Variants in MED8 observed in about 807,000 individuals in gnomAD.
The protein encoded by MED8 is mediator of RNA polymerase II transcription subunit 8.
A neutral mutation model predicts 34.8 loss-of-function variants in MED8; 22 were observed. That is an observed-to-expected ratio of 0.63 (90% CI 0.45 to 0.90). MED8 has a LOEUF of 0.90. Ranked by LOEUF, MED8 falls within the 40% of genes least tolerant of loss-of-function variation. The probability of loss-of-function intolerance (pLI) is 0.00; values close to 1 mark genes in which losing one functional copy is unlikely to be tolerated. For synonymous variants in MED8, 105 were observed against 120.2 expected, an observed-to-expected ratio of 0.87 and a Z score of 0.83; for missense variants, 260 against 326.3, an observed-to-expected ratio of 0.80 and a Z score of 1.57.
rs1449975526 is a variant in MED8, at chr1:43,386,778, C to G, written c.411+80G>C. The G allele has an allele frequency of 1.2e-6, 2 of 1,603,412 alleles. No homozygotes were observed. ...AACTTAGGCGCAACCAACTATGTAT[C>G]CCTACTAGACAGGAATGGTAATGCC... On this transcript the variant is annotated intron_variant, in intron 4 of 6. Coordinates refer to ENST00000372457, the MANE Select transcript of MED8 (RefSeq NM_201542.5). The surrounding 1 kb of genome is among the most constrained non-coding windows in gnomAD (Gnocchi z 4.9).
chr1:43,387,956 C>T (rs1043114431), intron 2 of MED8, among the ~76,000 whole-genome samples: 3 of 151,866 alleles, frequency 2.0e-5, no homozygotes, highest in African/African-American at 7.3e-5. Flanking sequence ...GTAAAAGCCT[C>T]CTTTCCAGCC....
At chr1:43,388,198 A>T in intron 2 of MED8, 112 bp downstream of exon 2, 12 of 1,070,898 alleles carry the variant, frequency 1.1e-5, no homozygotes, top group Non-Finnish European at 1.6e-5. Flanking sequence ...TTTCCAAATC[A>T]AAAGATGTTT....
At chr1:43,389,117 C>T (rs548437991) in intron 1 of MED8, 3 of 152,764 alleles carry the variant, frequency 2.0e-5, no homozygotes, top group Admixed American at 1.3e-4. Context: ...CTTCTAAGCA[C>T]TGGACAAACA....
Position 43,384,751 on chromosome 1 carries a change from C to T in MED8, c.*291G>A. On this transcript the variant is annotated 3_prime_UTR_variant, in exon 7 of 7. Coordinates refer to ENST00000372457, the MANE Select transcript of MED8 (RefSeq NM_201542.5). ...TGTAGAAACTATCATTTATTGAATA[C>T]CCATTATTTCATATACTGTACTAAG... 1 of 1,428,810 alleles carries T rather than the reference C, an allele frequency of 7.0e-7. No homozygotes were observed. The highest frequency in any genetic ancestry group is 1.6e-5 in the South Asian group (1 of 64,442). 88.5% of individuals were successfully genotyped at this position (1,428,810 alleles called of 1,614,324 possible). A position where few individuals can be genotyped will look rare whatever the true frequency, so the allele number is the denominator to read the frequency against.
intron 1 of MED8, 166 bp from the exon 2 acceptor site, chr1:43,388,594 C>T (rs555620523): frequency 8.4e-7 from 1 of 1,188,048 alleles, no homozygotes; most frequent in East Asian, 2.6e-5. Context: ...GGGTTATAGA[C>T]AGCATCAACC....
At chr1:43,387,029 C>T (rs1647759133) in intron 3 of MED8, 31 bp from the exon 4 acceptor site, 2 of 1,610,162 alleles carry the variant, frequency 1.2e-6, no homozygotes, top group East Asian at 2.2e-5. Flanking sequence ...TGATCCTACT[C>T]TGTACTCCAA....
chr1:43,386,749 A>C lies in MED8; in HGVS notation c.412-79T>G. On this transcript the variant is annotated intron_variant, in intron 4 of 6. Transcript: ENST00000372457. The surrounding 1 kb of genome is among the most constrained non-coding windows in gnomAD (Gnocchi z 4.9). ...AAATTTATTCCTTGGGTTCTGCCAG[A>C]AGCAACTTAGGCGCAACCAACTATG... 1 of 1,593,578 alleles carries C rather than the reference A, an allele frequency of 6.3e-7. No homozygotes were observed. Among genetic ancestry groups the C allele is most frequent in the Non-Finnish European group, 8.6e-7 (1 of 1,168,718 alleles).
chr1:43,386,115 G>C lies in MED8; in HGVS notation c.605C>G (p.Pro202Arg), dbSNP rs1418931222. ...SNWRPSGSSG[P>R]GQAGQPGAGT... ...AGCTCCTGGCTGGCCTGCCTGGCCA[G>C]GACCACTGCTGCCTGAAGGTCTCCA... is the stretch of plus-strand genomic sequence containing the variant. Residue 202 changes from proline (P) to arginine (R), a missense_variant, in exon 6 of 7, where the codon CCT (proline) becomes CGT (arginine). Transcript: ENST00000372457. This position sits in a 1 kb window ranked among gnomAD's most constrained non-coding sequence, Gnocchi z 4.9. 6.2e-7 allele frequency: 1 copy of C among 1,614,012 alleles called. No individual in the cohort carries two copies. The highest frequency in any genetic ancestry group is 1.7e-5 in the Admixed American group (1 of 60,024).
intron 3 of MED8, 36 bp from the exon 4 acceptor site, chr1:43,387,034 C>G: frequency 6.2e-7 from 1 of 1,607,352 alleles, no homozygotes; most frequent in Non-Finnish European, 8.5e-7. Context: ...CTACTCTGTA[C>G]TCCAAGAAGA....
At chr1:43,388,066 T>C (rs905271973) in intron 2 of MED8, among the ~76,000 whole-genome samples, 4 of 152,182 alleles carry the variant, frequency 2.6e-5, no homozygotes, top group Admixed American at 2.6e-4. Flanking sequence ...TGGGAGGACC[T>C]CCTCACCAGA....
At position 43,385,147 on chromosome 1, in the gene MED8, A is replaced by C. The variant is rs1386491539; in HGVS notation, c.743-41T>G. Reference sequence around the variant, plus strand: ...AAAAAGTCATCTTAAGCAAGGTAAGACTTTCATGACAAATCAGAAATGTGG... The same window carrying C: ...AAAAAGTCATCTTAAGCAAGGTAAGCCTTTCATGACAAATCAGAAATGTGG... On this transcript the variant is annotated intron_variant, in intron 6 of 6. Transcript: ENST00000372457. The C allele has an allele frequency of 1.9e-6, 3 of 1,547,414 alleles. No homozygotes were observed. The East Asian group carries it at 7.3e-5, about 38-fold the overall frequency.
Position 43,386,960 on chromosome 1 carries a change from C to G in MED8, c.309G>C (p.Glu103Asp). The G allele has an allele frequency of 1.2e-6, 2 of 1,614,006 alleles. No individual in the cohort carries two copies. The highest frequency in any genetic ancestry group is 1.7e-6 in the Non-Finnish European group (2 of 1,179,890). The change falls in exon 4 of 7, where the codon GAG (glutamate) becomes GAC (aspartate). Residue 103 changes from glutamate (E) to aspartate (D), a missense_variant. Physicochemically the swap from Glu to Asp is conservative, Grantham distance 45 (BLOSUM62 2). Transcript: ENST00000372457. The surrounding 1 kb of genome is among the most constrained non-coding windows in gnomAD (Gnocchi z 4.9). ...TEGRVPVFSH[E>D]VVPDHLRTKP... ...TGGTTCTCAGATGGTCAGGGACTACCTCATGGCTGAAAACAGGCACCCGTC... is the reference window on the plus strand; with the variant it reads ...TGGTTCTCAGATGGTCAGGGACTACGTCATGGCTGAAAACAGGCACCCGTC...
intron 6 of MED8, 123 bp downstream of exon 6, chr1:43,385,855 C>A (rs1647708800): frequency 7.1e-7 from 1 of 1,412,014 alleles, no homozygotes; most frequent in Non-Finnish European, 9.6e-7. Context: ...TTTCCTGGGT[C>A]ACAGTGAAAA....
At chr1:43,385,201 T>C in intron 6 of MED8, 95 bp from the exon 7 acceptor site, 1 of 1,477,294 alleles carries the variant, frequency 6.8e-7, no homozygotes, top group Non-Finnish European at 9.1e-7. Flanking sequence ...TCACTTCCTT[T>C]ATCATCTCAG....
At position 43,386,592 on chromosome 1, in the gene MED8, C is replaced by T. The variant is rs1196570591; in HGVS notation, c.490G>A (p.Gly164Arg). ...TTAGCCACCAGTCCCATCATACCTC[C>T]ACTCTCTGATTCTCGCTCCTCTTTG... is the stretch of plus-strand genomic sequence containing the variant. ...ISKEERESESGGLRPNKQTFN... is the reference protein window; with the variant it reads ...ISKEERESESRGLRPNKQTFN... The change falls in exon 5 of 7, where the codon GGA becomes AGA. Residue 164 changes from glycine to arginine, a missense_variant. Physicochemically the swap from Gly to Arg is moderately radical, Grantham distance 125 (BLOSUM62 -2). Transcript: ENST00000372457. The surrounding 1 kb of genome is among the most constrained non-coding windows in gnomAD (Gnocchi z 4.9). The T allele has an allele frequency of 6.2e-7, 1 of 1,611,302 alleles. No individual in the cohort carries two copies. The highest frequency in any genetic ancestry group is 8.5e-7 in the Non-Finnish European group (1 of 1,178,638).
chr1:43,386,893 T>C lies in MED8; in HGVS notation c.376A>G (p.Thr126Ala). The change falls in exon 4 of 7, where the codon ACA becomes GCA. Residue 126 changes from threonine to alanine, a missense_variant. Thr to Ala is a moderately conservative substitution (Grantham distance 58). Coordinates refer to ENST00000372457, the MANE Select transcript of MED8 (RefSeq NM_201542.5). The surrounding 1 kb of genome is among the most constrained non-coding windows in gnomAD (Gnocchi z 4.9). ...TCTGCACCAATGCGGGCAGCATCTG[T>C]CGTCAGTTGCTTCTCCTGTTCTTCC... ...EVEEQEKQLT[T>A]DAARIGADAA... is the part of the protein sequence containing the mutation. 6.2e-7 allele frequency: 1 copy of C among 1,614,036 alleles called. No individual in the cohort carries two copies. The highest frequency in any genetic ancestry group is 8.5e-7 in the Non-Finnish European group (1 of 1,179,900).
At chr1:43,385,798 T>G in intron 6 of MED8, 180 bp downstream of exon 6, 1 of 890,186 alleles carries the variant, frequency 1.1e-6, no homozygotes, top group Non-Finnish European at 1.7e-6. Context: ...CACTCTCTGG[T>G]GCCTGTTGCA....
In MED8 at chr1:43,384,589, G is replaced by C. The variant is rs1339489374; in HGVS notation, c.*453C>G. On this transcript the variant is annotated 3_prime_UTR_variant, in exon 7 of 7. Transcript: ENST00000372457. ...GTGTGCCTCTAAGAACACAGAGGTT[G>C]CTACAGTTTCTGGCAGCACAAAATA... 5 of 1,568,334 alleles carry C rather than the reference G, an allele frequency of 3.2e-6. No individual in the cohort carries two copies. The highest frequency in any genetic ancestry group is 2.6e-6 in the Non-Finnish European group (3 of 1,159,722).
chr1:43,388,697 CTG>C (rs1326586060), intron 1 of MED8: 13 of 430,174 alleles, frequency 3.0e-5, no homozygotes, highest in Non-Finnish European at 5.6e-5. Flanking sequence ...TGGTTTTTCT[CTG>C]TGTTAGGTAC....
Sources: allele counts gnomAD v4.1 joint callset (sites outside exome capture counted in the v4.1 genomes callset), GRCh38; gene constraint gnomAD v4.1.1; non-coding constraint Gnocchi (gnomAD v3.1); transcripts MANE v1.5; gene names NCBI Gene and HGNC (gene_info 2026-07-23, HGNC 2026-07-21).